MAP4: variants seen among roughly 807,000 people sequenced by gnomAD.
The protein encoded by MAP4 is microtubule associated protein 4, also known as microtubule-associated protein 4.
In MAP4, 76 loss-of-function variants were observed where a neutral mutation model predicts 170.2. The ratio of observed to expected loss-of-function variants is 0.45; its 90% CI spans 0.37 to 0.54. The LOEUF (loss-of-function observed/expected upper bound fraction) is 0.54, where lower values mean the gene tolerates loss of function less well. MAP4 is among the 20% of genes least tolerant of loss of function. The probability of loss-of-function intolerance (pLI) is 0.00; values close to 1 mark genes in which losing one functional copy is unlikely to be tolerated. For synonymous variants in MAP4, 909 were observed against 994.5 expected, an observed-to-expected ratio of 0.91 and a Z score of 1.62; for missense variants, 2,506 against 2,748.0, an observed-to-expected ratio of 0.91 and a Z score of 1.97.
chr3:48,087,132 G>C (rs910504961), intron 1 of MAP4, among the ~76,000 whole-genome samples: 17 of 152,180 alleles, frequency 1.1e-4, no homozygotes, highest in Admixed American at 1.1e-3. Context: ...GTGTAACTGA[G>C]GTGAAAACAT....
rs142170731 is a variant in MAP4, at chr3:47,944,278, C to T, written c.293-15928G>A. 9.9e-5 allele frequency among the ~76,000 whole-genome samples: 15 copies of T among 152,190 alleles called. No individual in the cohort carries two copies. In the East Asian group the frequency reaches 2.9e-3, roughly 29 times the overall value. On this transcript the variant is annotated intron_variant, in intron 3 of 20. Transcript: ENST00000683076. The stretch of plus-strand genomic sequence containing the variant: ...TGAGCCAAGATCACGTCACTGCACT[C>T]CAGCCTGGGCGAGAGAGCAAAACTC...
intron 1 of MAP4, among the ~76,000 whole-genome samples, chr3:48,030,173 A>T (rs1323943670): frequency 6.6e-6 from 1 of 151,076 alleles, no homozygotes; most frequent in South Asian, 2.1e-4. Context: ...AGGATCATCT[A>T]AGGCTAAGAA....
At chr3:47,942,202 T>C (rs1387963486) in intron 3 of MAP4, among the ~76,000 whole-genome samples, 1 of 151,998 alleles carries the variant, frequency 6.6e-6, no homozygotes, top group East Asian at 1.9e-4. Flanking sequence ...AATGAAAAAA[T>C]ACACAACACA....
chr3:48,044,156 T>G (rs150809586), intron 1 of MAP4, among the ~76,000 whole-genome samples: 196 of 148,648 alleles, frequency 1.3e-3, no homozygotes, highest in African/African-American at 4.4e-3. Flanking sequence ...TCTGTAATTT[T>G]TTTTTGTTTT....
intron 3 of MAP4, among the ~76,000 whole-genome samples, chr3:47,932,070 CAT>C (rs1430340705): frequency 6.6e-6 from 1 of 152,154 alleles, no homozygotes; most frequent in Non-Finnish European, 1.5e-5. Flanking sequence ...AAAGAAATCC[CAT>C]ATCTTTTCTC....
intron 3 of MAP4, among the ~76,000 whole-genome samples, chr3:47,940,082 C>A (rs1470645821): frequency 2.0e-5 from 3 of 152,084 alleles, no homozygotes; most frequent in Non-Finnish European, 4.4e-5. Flanking sequence ...AGGTGAGCCA[C>A]CCGCCTTGGC....
chr3:47,946,574 A>G (rs2100060095), intron 3 of MAP4, among the ~76,000 whole-genome samples: 1 of 149,278 alleles, frequency 6.7e-6, no homozygotes, highest in Non-Finnish European at 1.5e-5. Flanking sequence ...GAATCGCTTG[A>G]ACCCAGGAGG....
intron 1 of MAP4, among the ~76,000 whole-genome samples, chr3:48,082,733 G>A (rs946428075): frequency 6.6e-6 from 1 of 151,380 alleles, no homozygotes; most frequent in Non-Finnish European, 1.5e-5. Context: ...GGTAGGCAGA[G>A]GTTGCCGTGA....
At chr3:47,867,999 T>C (rs773438402) in intron 16 of MAP4, among the ~76,000 whole-genome samples, 4 of 152,210 alleles carry the variant, frequency 2.6e-5, no homozygotes, top group Non-Finnish European at 4.4e-5. Flanking sequence ...CGAGAAGGCA[T>C]AGTATTTTTG....
intron 3 of MAP4, chr3:47,974,077 C>T: frequency 1.0e-6 from 1 of 985,270 alleles, no homozygotes; most frequent in Non-Finnish European, 1.2e-6. Context: ...TTTAAACTTT[C>T]ATGATATTCT....
In MAP4 at chr3:47,935,958, T is replaced by A. The variant is rs76178184; in HGVS notation, c.293-7608A>T. ...AGTCTCCAAAAAAAAAAAAAAAAAA[T>A]ATTAGGAATATACCTCAAAAAAATT... On this transcript the variant is annotated intron_variant, in intron 3 of 20. Coordinates refer to ENST00000683076, the MANE Select transcript of MAP4 (RefSeq NM_001385682.1). Among the ~76,000 whole-genome samples, 360 of 129,232 alleles carry A rather than the reference T, an allele frequency of 2.8e-3. 2 individuals carry two copies. Among genetic ancestry groups the A allele is most frequent in the African/African-American group, 0.012 (328 of 26,956 alleles). 84.8% of individuals were successfully genotyped at this position (129,232 alleles called of 152,430 possible). A position where few individuals can be genotyped will look rare whatever the true frequency, so the allele number is the denominator to read the frequency against.
intron 1 of MAP4, among the ~76,000 whole-genome samples, chr3:48,044,693 G>A (rs542007883): frequency 1.2e-4 from 19 of 152,106 alleles, no homozygotes; most frequent in Middle Eastern, 6.8e-3. Context: ...AACCTAGGAC[G>A]GGTTCACTAC....
intron 3 of MAP4, among the ~76,000 whole-genome samples, chr3:47,949,260 G>A (rs2100062088): frequency 6.6e-6 from 1 of 151,972 alleles, no homozygotes; most frequent in African/African-American, 2.4e-5. Context: ...GAGGTCAGGA[G>A]TTCAACACCA....
In MAP4 at chr3:47,871,909, A is replaced by C; in HGVS notation, c.5941+8T>G. On this transcript the variant is annotated splice_region_variant and intron_variant, in intron 13 of 20. Coordinates refer to ENST00000683076, the MANE Select transcript of MAP4 (RefSeq NM_001385682.1). ...CTAGTTCCCATGGGAGAGAAAGGCA[A>C]TACTCACCAGTGGGCTTCTTGGGCA... 1.9e-6 allele frequency: 3 copies of C among 1,604,476 alleles called. No homozygotes were observed. The highest frequency in any genetic ancestry group is 2.6e-6 in the Non-Finnish European group (3 of 1,172,940).
In MAP4 at chr3:47,852,821, G is replaced by C. The variant is rs1244521246; in HGVS notation, c.*113C>G. 11 of 1,551,056 alleles carry C rather than the reference G, an allele frequency of 7.1e-6. No homozygotes were observed. In the East Asian group the frequency reaches 2.7e-4, roughly 38 times the overall value. Reference sequence around the variant, plus strand: ...TGGACAGCCCGGGAAAGGGGGCCAAGGACCCGGGAGCCCGAGTTGGGGCCG... The same window carrying C: ...TGGACAGCCCGGGAAAGGGGGCCAACGACCCGGGAGCCCGAGTTGGGGCCG... On this transcript the variant is annotated 3_prime_UTR_variant, in exon 21 of 21. Transcript: ENST00000683076.
rs2041676852 is a variant in MAP4 at position 47,851,265 on chromosome 3, T to C, written c.*1669A>G. Reference sequence around the variant, plus strand: ...TCCGTGAGCCCCTGCAGTTTCCTGGTGTGTGCTTGGGGAGCTAGGGACATG... The same window carrying C: ...TCCGTGAGCCCCTGCAGTTTCCTGGCGTGTGCTTGGGGAGCTAGGGACATG... On this transcript the variant is annotated 3_prime_UTR_variant, in exon 21 of 21. Transcript: ENST00000683076. 6.6e-6 allele frequency: 1 copy of C among 152,300 alleles called. No individual in the cohort carries two copies. The highest frequency in any genetic ancestry group is 1.5e-5 in the Non-Finnish European group (1 of 68,100). The allele number at this position is 152,300 out of a possible 1,614,324, so 9.4% of individuals were successfully genotyped here. A position where few individuals can be genotyped will look rare whatever the true frequency, so the allele number is the denominator to read the frequency against.
Position 47,916,267 on chromosome 3 carries a change from C to T in MAP4, c.1560G>A (p.Val520=), listed in dbSNP as rs780897992. 18 of 1,614,088 alleles carry T rather than the reference C, an allele frequency of 1.1e-5. No individual in the cohort carries two copies. The highest frequency in any genetic ancestry group is 1.5e-5 in the Non-Finnish European group (18 of 1,180,054). ...CTACTTCTGTTTCTGGAGGTGGAGT[C>T]ACATCCTTGCCCAGAGCCATTTCTG... ...SETEMALGKD[V]TPPPETEVVL... The change falls in exon 7 of 21, where the codon GTG becomes GTA. Residue 520 remains valine (V), a synonymous_variant. Coordinates refer to ENST00000683076, the MANE Select transcript of MAP4 (RefSeq NM_001385682.1).
intron 4 of MAP4, among the ~76,000 whole-genome samples, chr3:47,923,610 CCTG>C (rs2100044180): frequency 6.6e-6 from 1 of 150,476 alleles, no homozygotes; most frequent in Admixed American, 6.6e-5. Flanking sequence ...AAAAACACAG[CCTG>C]CTTTTTGTTT....
At chr3:47,885,367 C>A (rs1577058383) in intron 10 of MAP4, among the ~76,000 whole-genome samples, 1 of 150,326 alleles carries the variant, frequency 6.7e-6, no homozygotes, top group South Asian at 2.1e-4. Flanking sequence ...CCATCTCTAC[C>A]ATCAATCAAT....
Sources: allele counts gnomAD v4.1 joint callset (sites outside exome capture counted in the v4.1 genomes callset), GRCh38; gene constraint gnomAD v4.1.1; transcripts MANE v1.5; gene names NCBI Gene and HGNC (gene_info 2026-07-23, HGNC 2026-07-21).